PPARGC1A: variants seen among roughly 807,000 people sequenced by gnomAD.
PPARGC1A encodes the protein PPARG coactivator 1 alpha, also known as peroxisome proliferator-activated receptor gamma coactivator 1-alpha.
PPARGC1A carries 25 observed loss-of-function variants against 88.7 expected under a neutral mutation model. The ratio of observed to expected loss-of-function variants is 0.28; its 90% CI spans 0.21 to 0.39. The LOEUF is 0.39. Among genes scored for constraint, PPARGC1A ranks in the 10% least tolerant of loss-of-function variants. The probability of loss-of-function intolerance (pLI) is 1.00; values close to 1 mark genes in which losing one functional copy is unlikely to be tolerated. For missense variants in PPARGC1A, 880 were observed against 968.7 expected (o/e 0.91, Z 1.22); for synonymous variants, 363 against 355.6 (o/e 1.02, Z -0.24).
chr4:24,036,453 C>G, the PPARGC1A span, among the ~76,000 whole-genome samples: 2 of 152,104 alleles, frequency 1.3e-5, no homozygotes, highest in African/African-American at 4.8e-5. Context: ...ATATTTATAG[C>G]AGCTTTAATT....
Position 23,814,237 on chromosome 4 carries a change from A to G in PPARGC1A, c.1246T>C (p.Ser416Pro), listed in dbSNP as rs1721501110. Residue 416 changes from serine to proline, a missense_variant, in exon 8 of 13, where the codon TCC becomes CCC. Coordinates refer to ENST00000264867, the MANE Select transcript of PPARGC1A (RefSeq NM_013261.5). The stretch of plus-strand genomic sequence containing the variant: ...CAAATCTGCCCCTGCCAATCAGAGG[A>G]GACATCTTTATTTTCTAGTTGTCTA... ...DSRQLENKDV[S>P]SDWQGQICSS... The G allele has an allele frequency of 1.2e-6, 2 of 1,614,072 alleles. No individual in the cohort carries two copies. Among genetic ancestry groups the G allele is most frequent in the Non-Finnish European group, 1.7e-6 (2 of 1,180,000 alleles).
chr4:24,016,532 C>T, the PPARGC1A span, among the ~76,000 whole-genome samples: 1 of 152,176 alleles, frequency 6.6e-6, no homozygotes, highest in East Asian at 1.9e-4. Flanking sequence ...AGAAGGAGTG[C>T]CACAGCCAGA....
chr4:24,164,623 G>T, the PPARGC1A span, among the ~76,000 whole-genome samples: 1 of 152,068 alleles, frequency 6.6e-6, no homozygotes, highest in African/African-American at 2.4e-5. Flanking sequence ...AAACAGAAAG[G>T]GGTTGATTTG....
chr4:23,824,174 T>C (rs575217263), intron 7 of PPARGC1A, 106 bp downstream of exon 7: 1 of 901,570 alleles, frequency 1.1e-6, no homozygotes, highest in African/African-American at 1.7e-5. Flanking sequence ...TTTGTATTCT[T>C]TGTTAATTTC....
At chr4:24,312,356 C>G in the PPARGC1A span, among the ~76,000 whole-genome samples, 1 of 151,068 alleles carries the variant, frequency 6.6e-6, no homozygotes, top group African/African-American at 2.4e-5. Context: ...TTTTCATTCC[C>G]AAATTAACTC....
At chr4:23,984,796 C>A in the PPARGC1A span, among the ~76,000 whole-genome samples, 1,356 of 152,094 alleles carry the variant, frequency 8.9e-3, 24 homozygotes, top group African/African-American at 0.031. Flanking sequence ...GAATGATTTT[C>A]CTAAAGCCAT....
chr4:24,096,999 T>G, the PPARGC1A span, among the ~76,000 whole-genome samples: 6 of 151,966 alleles, frequency 3.9e-5, no homozygotes, highest in African/African-American at 1.4e-4. Flanking sequence ...GAGGCTGATG[T>G]GGGAGGATTG....
At chr4:23,970,021 T>C in the PPARGC1A span, among the ~76,000 whole-genome samples, 14 of 152,180 alleles carry the variant, frequency 9.2e-5, no homozygotes, top group Admixed American at 3.3e-4. Context: ...ATATAAGATA[T>C]AAATACATAC....
the PPARGC1A span, among the ~76,000 whole-genome samples, chr4:24,099,748 C>T: frequency 2.0e-4 from 30 of 152,002 alleles, no homozygotes; most frequent in Non-Finnish European, 3.4e-4. Context: ...GATGTTTCTT[C>T]CCTCTCCATT....
the PPARGC1A span, among the ~76,000 whole-genome samples, chr4:24,136,229 G>C: frequency 4.6e-5 from 7 of 152,210 alleles, no homozygotes; most frequent in Admixed American, 1.3e-4. Context: ...CTGGGTCAAT[G>C]AGGGTTTATT....
chr4:24,110,767 A>G, the PPARGC1A span, among the ~76,000 whole-genome samples: 1 of 152,354 alleles, frequency 6.6e-6, no homozygotes, highest in Middle Eastern at 3.4e-3. Context: ...CGGCACATTC[A>G]TCATCTTAAA....
At chr4:24,252,657 T>C in the PPARGC1A span, among the ~76,000 whole-genome samples, 1 of 152,190 alleles carries the variant, frequency 6.6e-6, no homozygotes, top group Non-Finnish European at 1.5e-5. Flanking sequence ...GGATTTCCAA[T>C]GCTCTTCTCG....
At chr4:24,387,914 GAA>G in the PPARGC1A span, among the ~76,000 whole-genome samples, 4 of 9,718 alleles carry the variant, frequency 4.1e-4, no homozygotes, top group Non-Finnish European at 4.9e-3. Flanking sequence ...GAGAAAGAAA[GAA>G]AGAAAGAAAG....
the PPARGC1A span, among the ~76,000 whole-genome samples, chr4:24,174,291 AC>A: frequency 5.9e-5 from 9 of 152,274 alleles, no homozygotes; most frequent in Non-Finnish European, 1.0e-4. Context: ...TTCCACCTTA[AC>A]CTGACCATAA....
At chr4:24,035,114 T>A in the PPARGC1A span, among the ~76,000 whole-genome samples, 1 of 152,180 alleles carries the variant, frequency 6.6e-6, no homozygotes, top group Admixed American at 6.5e-5. Context: ...ATCCGGGAGA[T>A]AGTATATGTG....
the PPARGC1A span, among the ~76,000 whole-genome samples, chr4:24,336,478 A>G: frequency 3.3e-5 from 5 of 152,196 alleles, no homozygotes; most frequent in African/African-American, 1.2e-4. Flanking sequence ...GAGAGTAATC[A>G]CCCATTCTTA....
chr4:23,823,811 T>C (rs1723429808), intron 7 of PPARGC1A, among the ~76,000 whole-genome samples: 1 of 152,118 alleles, frequency 6.6e-6, no homozygotes, highest in Admixed American at 6.6e-5. Flanking sequence ...CATAAGAAGG[T>C]AATTTAGCAA....
the PPARGC1A span, among the ~76,000 whole-genome samples, chr4:24,310,893 A>G: frequency 6.6e-6 from 1 of 152,084 alleles, no homozygotes; most frequent in East Asian, 1.9e-4. Context: ...AAATGTTGGA[A>G]CAGACTTTGA....
Position 23,802,364 on chromosome 4 carries a change from A to G in PPARGC1A, c.2020-19T>C, listed in dbSNP as rs1330202957. The G allele has an allele frequency of 6.2e-7, 1 of 1,613,734 alleles. No individual in the cohort carries two copies. The highest frequency in any genetic ancestry group is 1.7e-5 in the Admixed American group (1 of 59,964). On this transcript the variant is annotated intron_variant, in intron 10 of 12. Transcript: ENST00000264867. ...GCTCTTCCTATGGGGGGAAGGAAGG[A>G]GAGAGTTCTGGAGTGGGAAAAAAGC...
Sources: gnomAD v4.1 joint callset for allele counts (sites outside exome capture counted in the v4.1 genomes callset) on GRCh38, gnomAD v4.1.1 for gene constraint, MANE v1.5 for transcripts, NCBI Gene and HGNC (gene_info 2026-07-23, HGNC 2026-07-21) for gene names.